The following PRH1 variants were observed in gnomAD, a reference collection of about 807,000 sequenced individuals.
The protein encoded by PRH1 is proline rich protein HaeIII subfamily 1, also known as salivary acidic proline-rich phosphoprotein 1/2.
Under a neutral mutation model 7.9 loss-of-function variants are expected in PRH1, and 7 were observed. The observed-to-expected ratio is 0.89, with a 90% confidence interval of 0.50 to 1.67. The LOEUF (loss-of-function observed/expected upper bound fraction) is 1.67. Ranked by LOEUF, PRH1 falls within the 40% of genes most tolerant of loss-of-function variation. The pLI, the probability that PRH1 is intolerant of heterozygous loss-of-function variation, is 0.00. For missense variants in PRH1, 109 were observed against 223.6 expected, an observed-to-expected ratio of 0.49 and a Z score of 3.27; for synonymous variants, 45 against 80.8, an observed-to-expected ratio of 0.56 and a Z score of 2.38.
At chr12:10,966,549 T>C (rs1938507922) in intron 2 of PRH1, among the ~76,000 whole-genome samples, 1 of 152,144 alleles carries the variant, frequency 6.6e-6, no homozygotes, top group South Asian at 2.1e-4. Flanking sequence ...TTGTCCAAAC[T>C]CTAACTAATT....
At chr12:11,108,846 G>A (rs761684049) in intron 1 of PRH1, among the ~76,000 whole-genome samples, 7 of 152,210 alleles carry the variant, frequency 4.6e-5, no homozygotes, top group Non-Finnish European at 1.0e-4. Context: ...AAAGGGGGCT[G>A]AAGCCAGGAA....
At chr12:10,906,869 A>G (rs1301997641) in intron 2 of PRH1, among the ~76,000 whole-genome samples, 1 of 152,198 alleles carries the variant, frequency 6.6e-6, no homozygotes, top group Non-Finnish European at 1.5e-5. Flanking sequence ...TATATAAAGA[A>G]CATTTACAAC....
Position 11,021,645 on chromosome 12 carries a change from T to C in PRH1, c.-126+25375A>G, listed in dbSNP as rs200425184. On this transcript the variant is annotated intron_variant, in intron 1 of 3. Coordinates refer to the PRH1 transcript ENST00000539853. Reference sequence around the variant, plus strand: ...CCACGATGCTCCCCTTGTGAATCTATGGAGTTGAGGGTTTCTCTTCTTTCA... The same window carrying C: ...CCACGATGCTCCCCTTGTGAATCTACGGAGTTGAGGGTTTCTCTTCTTTCA... The C allele has an allele frequency of 7.0e-4, 1,112 of 1,584,678 alleles. 4 individuals are homozygous for C. The highest frequency in any genetic ancestry group is 7.7e-4 in the Admixed American group (45 of 58,186).
intron 1 of PRH1, among the ~76,000 whole-genome samples, chr12:11,101,898 T>A (rs1407889423): frequency 6.6e-6 from 1 of 151,772 alleles, no homozygotes; most frequent in Non-Finnish European, 1.5e-5. Flanking sequence ...TATACACCAA[T>A]AACAGACAAA....
intron 1 of PRH1, among the ~76,000 whole-genome samples, chr12:10,991,120 A>G (rs1939910990): frequency 6.6e-6 from 1 of 152,242 alleles, no homozygotes; most frequent in South Asian, 2.1e-4. Flanking sequence ...AACAGCACAC[A>G]GAAAGTAACT....
intron 1 of PRH1, chr12:10,997,599 G>C: frequency 6.2e-7 from 1 of 1,614,056 alleles, no homozygotes; most frequent in African/African-American, 1.3e-5. Context: ...ATGCTGAAAT[G>C]ATTGGTTACT....
intron 1 of PRH1, among the ~76,000 whole-genome samples, chr12:11,108,385 C>T (rs1406802117): frequency 2.0e-5 from 3 of 152,040 alleles, no homozygotes; most frequent in African/African-American, 7.2e-5. Flanking sequence ...GCAAAATGTC[C>T]TAATAGGAAC....
intron 1 of PRH1, among the ~76,000 whole-genome samples, chr12:11,016,044 G>A (rs1941279457): frequency 6.6e-6 from 1 of 152,186 alleles, no homozygotes; most frequent in Non-Finnish European, 1.5e-5. Flanking sequence ...AAATGGACTT[G>A]GAACTTCCAG....
chr12:11,130,173 A>G (rs1019542646), intron 1 of PRH1, among the ~76,000 whole-genome samples: 2 of 152,230 alleles, frequency 1.3e-5, no homozygotes, highest in Non-Finnish European at 2.9e-5. Flanking sequence ...ATAATAATAT[A>G]TTAGTTGGTA....
At chr12:11,019,709 G>C (rs1159223651) in intron 1 of PRH1, among the ~76,000 whole-genome samples, 1 of 152,270 alleles carries the variant, frequency 6.6e-6, no homozygotes, top group Non-Finnish European at 1.5e-5. Context: ...AACTTAATCA[G>C]TTGCAAAGTT....
chr12:10,929,425 G>C (rs1950170463), intron 2 of PRH1: 2 of 1,525,042 alleles, frequency 1.3e-6, no homozygotes, highest in Admixed American at 1.7e-5. Flanking sequence ...GAAGAGAGGA[G>C]GATGAGAAAA....
chr12:10,948,296 C>T (rs756602071), intron 2 of PRH1, among the ~76,000 whole-genome samples: 1 of 152,062 alleles, frequency 6.6e-6, no homozygotes, highest in Non-Finnish European at 1.5e-5. Context: ...TTTTATAATC[C>T]CATACTTCTC....
rs1367181979 is a variant in PRH1, at chr12:11,082,278, A to G, written n.124-35090T>C. Among the ~76,000 whole-genome samples the G allele has an allele frequency of 5.2e-5, 6 of 115,198 alleles. 3 individuals carry two copies. The highest frequency in any genetic ancestry group is 1.2e-4 in the Non-Finnish European group (6 of 48,744). The allele number at this position is 115,198 out of a possible 152,430, so 75.6% of individuals were successfully genotyped here. ...AAGCATTAGAGTTAAGGTTGGTGGG[A>G]GAACACTATTATTCTTCCTCATAGA... On this transcript the variant is annotated intron_variant and non_coding_transcript_variant, in intron 1 of 4. Coordinates refer to the PRH1 transcript ENST00000541977.
intron 2 of PRH1, among the ~76,000 whole-genome samples, chr12:10,911,328 A>G (rs1285295201): frequency 6.6e-6 from 1 of 152,206 alleles, no homozygotes; most frequent in Admixed American, 6.6e-5. Context: ...TAGAGAATGG[A>G]TAACAGGCTT....
At chr12:10,989,224 G>A (rs1402383378) in intron 1 of PRH1, among the ~76,000 whole-genome samples, 2 of 151,594 alleles carry the variant, frequency 1.3e-5, no homozygotes, top group African/African-American at 4.9e-5. Flanking sequence ...TCCTGTTCAT[G>A]GCTTCTTGGA....
At chr12:10,930,882 GCCA>G (rs1268989895) in intron 2 of PRH1, 1 of 1,611,636 alleles carries the variant, frequency 6.2e-7, no homozygotes, top group African/African-American at 1.3e-5. Flanking sequence ...CTCAAGGAAG[GCCA>G]CAAGGACCAC....
chr12:11,143,167 A>T (rs1946756115), intron 1 of PRH1, among the ~76,000 whole-genome samples: 1 of 152,222 alleles, frequency 6.6e-6, no homozygotes, highest in Non-Finnish European at 1.5e-5. Context: ...GCACAATGAT[A>T]TATAAATAGT....
At chr12:11,044,861 T>C (rs1325901691) in intron 1 of PRH1, among the ~76,000 whole-genome samples, 1 of 152,134 alleles carries the variant, frequency 6.6e-6, no homozygotes, top group African/African-American at 2.4e-5. Flanking sequence ...CAGGTGGGAA[T>C]ATAAATTAGT....
Position 10,947,088 on chromosome 12 carries a change from A to G in PRH1, c.-59+26567T>C, listed in dbSNP as rs191293579. On this transcript the variant is annotated intron_variant, in intron 2 of 3. Transcript: ENST00000539853. ...TAGAGTATGTGCCATGTGGCTATGA[A>G]AAGAATGTATATTCTCTTATTTGGG... Among the ~76,000 whole-genome samples, 6 of 152,282 alleles carry G rather than the reference A, an allele frequency of 3.9e-5. No individual in the cohort carries two copies. The East Asian group carries it at 1.2e-3, about 29-fold the overall frequency.
Sources: gnomAD v4.1 joint callset for allele counts (sites outside exome capture counted in the v4.1 genomes callset) on GRCh38, gnomAD v4.1.1 for gene constraint, MANE v1.5 for transcripts, NCBI Gene and HGNC (gene_info 2026-07-23, HGNC 2026-07-21) for gene names.